The following GSTO2 variants were observed in gnomAD, a reference collection of about 807,000 sequenced individuals.
GSTO2 encodes glutathione S-transferase omega 2, also known as glutathione S-transferase omega-2.
GSTO2 carries 23 observed loss-of-function variants against 28.4 expected under a neutral mutation model. That is an observed-to-expected ratio of 0.81 (90% CI 0.58 to 1.15). The LOEUF (loss-of-function observed/expected upper bound fraction) is 1.15. Ranked by LOEUF, GSTO2 falls within the 50% of genes most tolerant of loss-of-function variation. GSTO2 has a pLI of 0.00. For missense variants in GSTO2, 298 were observed against 297.8 expected (o/e 1.00, Z 0.00); for synonymous variants, 109 against 111.0 (o/e 0.98, Z 0.11).
intron 5 of GSTO2, among the ~76,000 whole-genome samples, 190 bp downstream of exon 5, chr10:104,279,661 A>T (rs1370251482): frequency 1.3e-5 from 2 of 152,150 alleles, no homozygotes; most frequent in Non-Finnish European, 2.9e-5. Flanking sequence ...AAATCTGATG[A>T]GGAGTTGGGG....
chr10:104,276,989 T>C, intron 3 of GSTO2, among the ~76,000 whole-genome samples: 1 of 152,198 alleles, frequency 6.6e-6, no homozygotes, highest in South Asian at 2.1e-4. Flanking sequence ...TGCCAGGCAC[T>C]GTCCTAAACA....
intron 5 of GSTO2, among the ~76,000 whole-genome samples, chr10:104,294,657 A>T (rs183210635): frequency 6.6e-6 from 1 of 152,280 alleles, no homozygotes; most frequent in East Asian, 1.9e-4. Context: ...ATGTGAGGGA[A>T]ATGTGTATGT....
At chr10:104,280,866 T>G (rs1039161720) in intron 5 of GSTO2, among the ~76,000 whole-genome samples, 2 of 152,230 alleles carry the variant, frequency 1.3e-5, no homozygotes, top group Non-Finnish European at 2.9e-5. Flanking sequence ...ATATTTCCAG[T>G]TGCCTATCTC....
intron 5 of GSTO2, among the ~76,000 whole-genome samples, chr10:104,283,650 A>G (rs1020510322): frequency 6.6e-6 from 1 of 152,192 alleles, no homozygotes; most frequent in Non-Finnish European, 1.5e-5. Context: ...AAAGAATTAT[A>G]ACTACAATGT....
chr10:104,278,563 C>T (rs931047297), intron 4 of GSTO2, among the ~76,000 whole-genome samples: 1 of 152,204 alleles, frequency 6.6e-6, no homozygotes, highest in African/African-American at 2.4e-5. Context: ...CTCACTGCAA[C>T]CTCTGCCACC....
chr10:104,277,060 A>G (rs2135095930), intron 3 of GSTO2, among the ~76,000 whole-genome samples: 1 of 152,282 alleles, frequency 6.6e-6, no homozygotes, highest in African/African-American at 2.4e-5. Flanking sequence ...CCCATTTTAT[A>G]ATTAAGGACA....
chr10:104,279,509 G>A, intron 5 of GSTO2, 38 bp downstream of exon 5: 1 of 1,450,986 alleles, frequency 6.9e-7, no homozygotes, highest in Non-Finnish European at 9.7e-7. Context: ...AGCTACAGTG[G>A]AGGAAGCTAG....
chr10:104,288,378 C>T (rs942237919), intron 5 of GSTO2: 4 of 152,126 alleles, frequency 2.6e-5, no homozygotes, highest in Admixed American at 2.6e-4. Flanking sequence ...AAGCTGGACT[C>T]TCAGGAATGG....
chr10:104,285,305 A>G lies in GSTO2; in HGVS notation c.468+5834A>G, dbSNP rs117911739. 1.8e-3 allele frequency among the ~76,000 whole-genome samples: 269 copies of G among 152,088 alleles called. 6 individuals are homozygous for G. In the East Asian group the frequency reaches 0.046, roughly 26 times the overall value. On this transcript the variant is annotated intron_variant, in intron 5 of 6. Transcript: ENST00000338595. ...CTTTTAGAGATTGGGGTCTCTCTCT[A>G]TTGCCCAGGTTGGAGTGCAGTGGCA...
chr10:104,275,421 G>A (rs1314810603), intron 3 of GSTO2, 87 bp downstream of exon 3: 3 of 1,204,314 alleles, frequency 2.5e-6, no homozygotes, highest in East Asian at 2.5e-5. Context: ...GCCCTGCTCA[G>A]CTTTTACAAG....
At chr10:104,279,495 G>A in intron 5 of GSTO2, 24 bp downstream of exon 5, 1 of 1,545,516 alleles carries the variant, frequency 6.5e-7, no homozygotes, top group Non-Finnish European at 8.9e-7. Context: ...TCCCTCTCCT[G>A]GTCAGCTACA....
intron 5 of GSTO2, among the ~76,000 whole-genome samples, chr10:104,288,058 C>T (rs924995255): frequency 6.6e-6 from 1 of 151,578 alleles, no homozygotes; most frequent in Non-Finnish European, 1.5e-5. Context: ...CGGCTAATTT[C>T]TTTTTGTATT....
intron 1 of GSTO2, among the ~76,000 whole-genome samples, chr10:104,269,510 T>A (rs904216631): frequency 2.6e-5 from 4 of 152,104 alleles, no homozygotes; most frequent in Non-Finnish European, 4.4e-5. Flanking sequence ...TTAATTAAGG[T>A]GTTCTTATTT....
intron 5 of GSTO2, among the ~76,000 whole-genome samples, chr10:104,289,272 T>C (rs372254234): frequency 1.3e-5 from 2 of 152,116 alleles, no homozygotes; most frequent in African/African-American, 4.8e-5. Flanking sequence ...TTTTGTGTAT[T>C]TTTTGTAGAG....
rs374015495 is a variant in GSTO2 at position 104,269,243 on chromosome 10, C to T, written c.-258C>T. 1 of 152,468 alleles carries T rather than the reference C, an allele frequency of 6.6e-6. No individual in the cohort carries two copies. The highest frequency in any genetic ancestry group is 2.4e-5 in the African/African-American group (1 of 41,464). The allele number at this position is 152,468 out of a possible 1,614,324, so 9.4% of individuals were successfully genotyped here. ...CGGTTGCCCGAGTTCCCGGAGGTCTCTCGCGGGACCTCTCTCACCGCCACC... is the reference window on the plus strand; with the variant it reads ...CGGTTGCCCGAGTTCCCGGAGGTCTTTCGCGGGACCTCTCTCACCGCCACC... On this transcript the variant is annotated 5_prime_UTR_variant, in exon 1 of 7. Transcript: ENST00000338595.
In GSTO2 at chr10:104,304,737, G is replaced by A. The variant is rs1347980228; in HGVS notation, c.*5453G>A. 2 of 152,174 alleles carry A rather than the reference G, an allele frequency of 1.3e-5. No homozygotes were observed. The highest frequency in any genetic ancestry group is 2.4e-5 in the African/African-American group (1 of 41,408). 9.4% of individuals were successfully genotyped at this position (152,174 alleles called of 1,614,324 possible). The stretch of plus-strand genomic sequence containing the variant: ...CACTTTGTGGAACTAGATGTCCTAC[G>A]TTGCACATGGCTTGATTCATGGTTT... On this transcript the variant is annotated 3_prime_UTR_variant, in exon 7 of 7. Transcript: ENST00000338595.
chr10:104,275,288 C>T lies in GSTO2; in HGVS notation c.97C>T (p.Pro33Ser), dbSNP rs2011576287. 3.7e-6 allele frequency: 6 copies of T among 1,613,978 alleles called. No individual in the cohort carries two copies. Among genetic ancestry groups the T allele is most frequent in the Non-Finnish European group, 5.1e-6 (6 of 1,180,024 alleles). ...CCGCATCTACAGCATGAGGTTCTGC[C>T]CCTATTCTCACAGGACCCGCCTCGT... ...LIRIYSMRFCPYSHRTRLVLK... is the reference protein window; with the variant it reads ...LIRIYSMRFCSYSHRTRLVLK... The change falls in exon 3 of 7, where the codon CCC (proline) becomes TCC (serine). Residue 33 changes from proline to serine, a missense_variant. Pro to Ser is a moderately conservative substitution (Grantham distance 74, BLOSUM62 -1). Coordinates refer to ENST00000338595, the MANE Select transcript of GSTO2 (RefSeq NM_183239.2).
At chr10:104,294,203 A>G (rs988575758) in intron 5 of GSTO2, among the ~76,000 whole-genome samples, 1 of 152,154 alleles carries the variant, frequency 6.6e-6, no homozygotes, top group African/African-American at 2.4e-5. Flanking sequence ...TTTCATATTT[A>G]GTATGTAGTG....
intron 5 of GSTO2, among the ~76,000 whole-genome samples, chr10:104,289,366 G>A (rs1321638391): frequency 6.6e-6 from 1 of 152,196 alleles, no homozygotes; most frequent in Admixed American, 6.5e-5. Context: ...AAAGTACTAG[G>A]ATAAAAGGTG....
Sources: allele counts gnomAD v4.1 joint callset (sites outside exome capture counted in the v4.1 genomes callset), GRCh38; gene constraint gnomAD v4.1.1; transcripts MANE v1.5; gene names NCBI Gene and HGNC (gene_info 2026-07-23, HGNC 2026-07-21).